CD109: variants seen among roughly 807,000 people sequenced by gnomAD.
The protein encoded by CD109 is CD109 antigen.
CD109 carries 149 observed loss-of-function variants against 165.8 expected under a neutral mutation model. The observed-to-expected ratio is 0.90, with a 90% confidence interval of 0.79 to 1.03. The LOEUF (loss-of-function observed/expected upper bound fraction) is 1.03. Ranked by LOEUF, CD109 falls within the 50% of genes least tolerant of loss-of-function variation. The probability of loss-of-function intolerance (pLI) is 0.00; values close to 1 mark genes in which losing one functional copy is unlikely to be tolerated. For synonymous variants in CD109, 585 were observed against 592.1 expected, an observed-to-expected ratio of 0.99 and a Z score of 0.18; for missense variants, 1,712 against 1,677.8, an observed-to-expected ratio of 1.02 and a Z score of -0.36.
intron 23 of CD109, among the ~76,000 whole-genome samples, chr6:73,802,024 G>A (rs1775373290): frequency 6.6e-6 from 1 of 152,024 alleles, no homozygotes; most frequent in Non-Finnish European, 1.5e-5. Context: ...GTTTATTGTG[G>A]GTTGTTTGGT....
intron 24 of CD109, among the ~76,000 whole-genome samples, chr6:73,805,130 C>A (rs867365910): frequency 6.6e-6 from 1 of 152,044 alleles, no homozygotes; most frequent in East Asian, 1.9e-4. Flanking sequence ...TACCATTTGA[C>A]CCAGCTGTGG....
Position 73,810,022 on chromosome 6 carries a change from TC to T in CD109, c.3395del (p.Ser1132LeufsTer34), listed in dbSNP as rs775332308. On this transcript the variant is annotated frameshift_variant, in exon 27 of 33. Transcript: ENST00000287097. LOFTEE classifies it high-confidence loss of function. ...CTGGGTGTCATCAGAGTCCAAACTT[TC>T]TGACTCCTGGCAGCCACGCTCCCTG... ...QFWVSSESKLSDSWQPRSLDI... is the reference protein window; with the variant it reads ...QFWVSSESKLXDSWQPRSLDI... The T allele has an allele frequency of 3.1e-6, 5 of 1,596,260 alleles. No individual in the cohort carries two copies. The South Asian group carries it at 4.5e-5, about 14-fold the overall frequency.
chr6:73,684,514 C>T, the CD109 span, among the ~76,000 whole-genome samples: 1 of 151,708 alleles, frequency 6.6e-6, no homozygotes, highest in Admixed American at 6.6e-5. Flanking sequence ...AGCCACTGCA[C>T]CTGGCCAACT....
chr6:73,781,879 A>G (rs1774522949), intron 17 of CD109, among the ~76,000 whole-genome samples: 1 of 148,178 alleles, frequency 6.7e-6, no homozygotes, highest in Non-Finnish European at 1.5e-5. Flanking sequence ...TTATATCTGT[A>G]CATCCTAGTT....
At chr6:73,765,797 C>A (rs768480767) in intron 10 of CD109, 133 bp from the exon 11 acceptor site, 68 of 642,584 alleles carry the variant, frequency 1.1e-4, no homozygotes, top group Non-Finnish European at 1.6e-4. Flanking sequence ...AGAGAGAGGC[C>A]ACTGAATCTG....
chr6:73,797,338 A>G (rs1363441403), intron 23 of CD109, among the ~76,000 whole-genome samples: 3 of 152,238 alleles, frequency 2.0e-5, no homozygotes, highest in African/African-American at 7.2e-5. Flanking sequence ...AGATATTTAA[A>G]TCACAGTGCC....
At chr6:73,771,168 T>G (rs935775225) in intron 14 of CD109, among the ~76,000 whole-genome samples, 2 of 152,160 alleles carry the variant, frequency 1.3e-5, no homozygotes, top group African/African-American at 4.8e-5. Context: ...GGGTGGGAGA[T>G]GGAGAAAGGG....
At position 73,739,396 on chromosome 6, in the gene CD109, ATTTCTTGTTATTAAACCCCT is replaced by A. The variant is rs568864188; in HGVS notation, c.633+2895_633+2914del. ...ACTGCGCAGCATTAAAGGACTGTAT[ATTTCTTGTTATTAAACCCCT>A]TTTCTTTTAGTAGTGAATAATAACA... On this transcript the variant is annotated intron_variant, in intron 5 of 32. Coordinates refer to ENST00000287097, the MANE Select transcript of CD109 (RefSeq NM_133493.5). Among the ~76,000 whole-genome samples the A allele has an allele frequency of 3.1e-4, 47 of 152,252 alleles. 1 individual carries two copies. In the South Asian group the frequency reaches 9.5e-3, roughly 31 times the overall value.
intron 7 of CD109, among the ~76,000 whole-genome samples, chr6:73,759,770 G>C (rs1015838339): frequency 6.6e-6 from 1 of 152,006 alleles, no homozygotes; most frequent in Non-Finnish European, 1.5e-5. Context: ...TTAATCTTTA[G>C]CACGATACAA....
intron 15 of CD109, among the ~76,000 whole-genome samples, chr6:73,771,909 G>A (rs1267524294): frequency 1.3e-5 from 2 of 152,108 alleles, no homozygotes; most frequent in African/African-American, 2.4e-5. Flanking sequence ...TAAAAGAGTA[G>A]ATTTGAAATG....
At chr6:73,815,204 T>A in intron 30 of CD109, 81 bp downstream of exon 30, 1 of 1,197,930 alleles carries the variant, frequency 8.3e-7, no homozygotes. Flanking sequence ...GTTGTCTATA[T>A]CAATCTAAGA....
At chr6:73,809,391 A>G (rs1000991367) in intron 26 of CD109, among the ~76,000 whole-genome samples, 2 of 152,124 alleles carry the variant, frequency 1.3e-5, no homozygotes, top group Admixed American at 6.6e-5. Context: ...TGGTCAGATA[A>G]GTAACGTGCA....
At chr6:73,710,392 G>A (rs912973636) in intron 2 of CD109, among the ~76,000 whole-genome samples, 56 of 152,260 alleles carry the variant, frequency 3.7e-4, no homozygotes, top group South Asian at 6.2e-4. Context: ...CAAGGGATGT[G>A]AAGGACCTCT....
chr6:73,766,825 T>C lies in CD109; in HGVS notation c.1399T>C (p.Tyr467His), dbSNP rs1773871554. Residue 467 changes from tyrosine to histidine, a missense_variant, in exon 12 of 33, where the codon TAC (tyrosine) becomes CAC (histidine). By Grantham distance (83) the Tyr-to-His change is moderately conservative. Coordinates refer to ENST00000287097, the MANE Select transcript of CD109 (RefSeq NM_133493.5). ...TCTGTTTAAGTCTCCTAGTAAGACA[T>C]ACATCCAACTAAAAACAAGAGATGA... is the stretch of plus-strand genomic sequence containing the variant. ...HSLFKSPSKTYIQLKTRDENI... is the reference protein window; with the variant it reads ...HSLFKSPSKTHIQLKTRDENI... 13 of 1,612,990 alleles carry C rather than the reference T, an allele frequency of 8.1e-6. No individual in the cohort carries two copies. The Middle Eastern group carries it at 5.0e-4, about 62-fold the overall frequency.
chr6:73,696,083 A>G, upstream of CD109: 2 of 787,374 alleles, frequency 2.5e-6, no homozygotes, highest in Admixed American at 2.1e-5. Context: ...CTCTGCTGTT[A>G]GGCGCGCCCA....
intron 1 of CD109, 138 bp downstream of exon 1, chr6:73,696,427 C>T: frequency 1.6e-6 from 1 of 636,072 alleles, no homozygotes; most frequent in Non-Finnish European, 2.4e-6. Flanking sequence ...AGTCCCCAGC[C>T]TGGTACTGGC....
intron 32 of CD109, among the ~76,000 whole-genome samples, chr6:73,822,512 C>G (rs1223753261): frequency 6.6e-6 from 1 of 152,168 alleles, no homozygotes; most frequent in East Asian, 1.9e-4. Flanking sequence ...TTGGGAAACA[C>G]TGGTGTGGCA....
intron 5 of CD109, among the ~76,000 whole-genome samples, chr6:73,746,415 CTGTAGCTA>C (rs1236836396): frequency 2.0e-5 from 3 of 152,144 alleles, no homozygotes; most frequent in East Asian, 3.9e-4. Flanking sequence ...CAGTACAAAC[CTGTAGCTA>C]TGCTGCTGCT....
intron 2 of CD109, among the ~76,000 whole-genome samples, chr6:73,701,232 T>C (rs1180130469): frequency 6.6e-6 from 1 of 152,064 alleles, no homozygotes; most frequent in African/African-American, 2.4e-5. Flanking sequence ...TGCTTGTCAC[T>C]GTTACCACTG....
Sources: allele counts gnomAD v4.1 joint callset (sites outside exome capture counted in the v4.1 genomes callset), GRCh38; gene constraint gnomAD v4.1.1; transcripts MANE v1.5; gene names NCBI Gene and HGNC (gene_info 2026-07-23, HGNC 2026-07-21).